The following TMEM259 variants were observed in gnomAD, a reference collection of about 807,000 sequenced individuals.
The protein encoded by TMEM259 is transmembrane protein 259.
TMEM259 carries 26 observed loss-of-function variants against 46.7 expected under a neutral mutation model. The ratio of observed to expected loss-of-function variants is 0.56; its 90% confidence interval spans 0.41 to 0.77. TMEM259 has a LOEUF of 0.77. Among genes scored for constraint, TMEM259 ranks in the 30% least tolerant of loss-of-function variants. The pLI is 0.00. For synonymous variants in TMEM259, 494 were observed against 395.1 expected, an observed-to-expected ratio of 1.25 and a Z score of -2.97; for missense variants, 930 against 900.5, an observed-to-expected ratio of 1.03 and a Z score of -0.42.
chr19:1,012,342 G>A (rs1192093443), intron 4 of TMEM259, 121 bp downstream of exon 4: 2 of 1,493,450 alleles, frequency 1.3e-6, no homozygotes, highest in Non-Finnish European at 1.8e-6. Flanking sequence ...AAGCGTGCCT[G>A]GGGCGGGGCA....
rs2039036165 is a variant in TMEM259, at chr19:1,014,308, T to C, written c.391A>G (p.Ser131Gly). The C allele has an allele frequency of 1.9e-6, 3 of 1,613,108 alleles. No homozygotes were observed. The highest frequency in any genetic ancestry group is 2.5e-6 in the Non-Finnish European group (3 of 1,179,904). ...RAPVFLQFCD[S>G]GGRGSFPGLA... ...CCCGGGAAGCTCCCGCGGCCGCCGC[T>C]GTCACAGAACTGTAGGAAGACGGGC... The change falls in exon 2 of 11, where the codon AGC becomes GGC. Residue 131 changes from serine to glycine, a missense_variant. Physicochemically the swap from Ser to Gly is moderately conservative, Grantham distance 56. Coordinates refer to ENST00000356663, the MANE Select transcript of TMEM259 (RefSeq NM_001033026.2).
At chr19:1,013,196 CTGAGGCAACCCCG>C in intron 3 of TMEM259, 32 bp downstream of exon 3, 1 of 1,568,260 alleles carries the variant, frequency 6.4e-7, no homozygotes, top group Non-Finnish European at 8.8e-7. Flanking sequence ...CACCCCATGA[CTGAGGCAACCCCG>C]TGAGGCAGTA....
rs11540362 is a variant in TMEM259 at position 1,010,674 on chromosome 19, G to T, written c.1539C>A (p.Pro513=). The change falls in exon 11 of 11, where the codon CCC becomes CCA. Residue 513 remains proline, a synonymous_variant. Transcript: ENST00000356663. The part of the protein sequence containing the change: ...GPVSPGASGS[P]GPVAAAPSSL... ...AGCTGGGCGCCGCTGCCACAGGCCC[G>T]GGACTCCCGCTGGCCCCAGGCGAGA... 2 of 1,534,358 alleles carry T rather than the reference G, an allele frequency of 1.3e-6. No individual in the cohort carries two copies. Among genetic ancestry groups the T allele is most frequent in the South Asian group, 2.4e-5 (2 of 83,968 alleles).
At position 1,009,871 on chromosome 19, in the gene TMEM259, C is replaced by T. The variant is rs11540364; in HGVS notation, c.*479G>A. The T allele has an allele frequency of 7.6e-6, 3 of 397,212 alleles. No homozygotes were observed. The highest frequency in any genetic ancestry group is 1.3e-5 in the Non-Finnish European group (3 of 223,990). The allele number at this position is 397,212 out of a possible 1,614,324, so 24.6% of individuals were successfully genotyped here. ...ATGCCCGAGGCGCAAGCTCTGCTCT[C>T]CCGGGGACCCCAAGCCTGGCGCACA... On this transcript the variant is annotated 3_prime_UTR_variant, in exon 11 of 11. Transcript: ENST00000356663.
In TMEM259 at chr19:1,012,006, A is replaced by C; in HGVS notation, c.842-14T>G. 6.2e-7 allele frequency: 1 copy of C among 1,611,628 alleles called. No individual in the cohort carries two copies. Among genetic ancestry groups the C allele is most frequent in the Non-Finnish European group, 8.5e-7 (1 of 1,179,354 alleles). The stretch of plus-strand genomic sequence containing the variant: ...TCCGCAGGAAGCCTGCAGCAGAAGG[A>C]GCCGTGAGCGCCCGCCCCCACCCGC... On this transcript the variant is annotated splice_polypyrimidine_tract_variant and intron_variant, in intron 5 of 10. Transcript: ENST00000356663.
chr19:1,016,983 C>A (rs996683821), intron 1 of TMEM259, among the ~76,000 whole-genome samples: 1 of 152,208 alleles, frequency 6.6e-6, no homozygotes, highest in African/African-American at 2.4e-5. Context: ...CCATCAGGTG[C>A]TCCGTGCTGA....
chr19:1,014,565 G>A (rs2039047203), intron 1 of TMEM259, 92 bp from the exon 2 acceptor site: 2 of 1,378,340 alleles, frequency 1.5e-6, no homozygotes, highest in African/African-American at 2.9e-5. Flanking sequence ...GGGGCGCGCT[G>A]GGACGCCCAG....
Position 1,011,213 on chromosome 19 carries a change from G to T in TMEM259, c.1218-18C>A, listed in dbSNP as rs1568399650. 1.3e-6 allele frequency: 2 copies of T among 1,572,188 alleles called. No homozygotes were observed. The highest frequency in any genetic ancestry group is 1.7e-6 in the Non-Finnish European group (2 of 1,159,278). On this transcript the variant is annotated intron_variant, in intron 9 of 10. Coordinates refer to ENST00000356663, the MANE Select transcript of TMEM259 (RefSeq NM_001033026.2). ...AGAAGAACCTGCGGGGCGGGGTGAGGGCGTCGGGGCTGCAGGTCCCACCCT... is the reference window on the plus strand; with the variant it reads ...AGAAGAACCTGCGGGGCGGGGTGAGTGCGTCGGGGCTGCAGGTCCCACCCT...
At chr19:1,012,038 G>C (rs777089729) in intron 5 of TMEM259, 28 bp downstream of exon 5, 7 of 1,611,464 alleles carry the variant, frequency 4.3e-6, no homozygotes, top group Non-Finnish European at 5.9e-6. Flanking sequence ...CCGCGCCCTC[G>C]CACCCTCGGC....
intron 4 of TMEM259, 88 bp downstream of exon 4, chr19:1,012,375 C>T (rs779104710): frequency 3.3e-6 from 5 of 1,510,858 alleles, no homozygotes; most frequent in African/African-American, 2.8e-5. Flanking sequence ...TCCTGCACAG[C>T]CCCCCGTCCC....
At chr19:1,015,528 G>A (rs1486100853) in intron 1 of TMEM259, among the ~76,000 whole-genome samples, 1 of 152,182 alleles carries the variant, frequency 6.6e-6, no homozygotes, top group Non-Finnish European at 1.5e-5. Flanking sequence ...GCTGCCCACT[G>A]TACCTCCCAA....
chr19:1,019,646 G>C (rs1247207091), intron 1 of TMEM259, among the ~76,000 whole-genome samples: 3 of 152,152 alleles, frequency 2.0e-5, no homozygotes, highest in African/African-American at 4.8e-5. Context: ...TCCACTTGCC[G>C]AGCCCAAAAA....
At chr19:1,014,814 A>T (rs1198467893) in intron 1 of TMEM259, among the ~76,000 whole-genome samples, 1 of 152,194 alleles carries the variant, frequency 6.6e-6, no homozygotes, top group South Asian at 2.1e-4. Context: ...GGACGAAGCC[A>T]GCAGGCCGGG....
In TMEM259 at chr19:1,011,540, G is replaced by A. The variant is rs760623078; in HGVS notation, c.1084+40C>T. On this transcript the variant is annotated intron_variant, in intron 8 of 10. Transcript: ENST00000356663. ...GCGCCGGTTGAAGCGGGCGGGGCGG[G>A]GTGCAGCGCGGGGCGGGGGAGGCCG... 21 of 1,541,170 alleles carry A rather than the reference G, an allele frequency of 1.4e-5. No individual in the cohort carries two copies. The East Asian group carries it at 5.2e-4, about 38-fold the overall frequency.
At position 1,021,007 on chromosome 19, in the gene TMEM259, G is replaced by A. The variant is rs758002586; in HGVS notation, c.-11C>T. On this transcript the variant is annotated 5_prime_UTR_variant, in exon 1 of 11. In the 5' UTR this introduces an upstream ATG that the reference lacks. Coordinates refer to ENST00000356663, the MANE Select transcript of TMEM259 (RefSeq NM_001033026.2). ...CACGTGCTCCGACATGCCTCCCAGC[G>A]TCGCGCCCTAACGACCCGCAAGTGT... 3 of 1,357,956 alleles carry A rather than the reference G, an allele frequency of 2.2e-6. No individual in the cohort carries two copies. The highest frequency in any genetic ancestry group is 1.7e-5 in the South Asian group (1 of 60,316). The allele number at this position is 1,357,956 out of a possible 1,614,324, so 84.1% of individuals were successfully genotyped here. A position where few individuals can be genotyped will look rare whatever the true frequency, so the allele number is the denominator to read the frequency against.
At chr19:1,017,490 C>T in intron 1 of TMEM259, 2 of 398,910 alleles carry the variant, frequency 5.0e-6, no homozygotes, top group Non-Finnish European at 8.8e-6. Flanking sequence ...TGTGGCTCAC[C>T]TCCAGGAGGC....
At chr19:1,015,922 G>A (rs748613049) in intron 1 of TMEM259, among the ~76,000 whole-genome samples, 22 of 152,216 alleles carry the variant, frequency 1.4e-4, no homozygotes, top group Non-Finnish European at 3.1e-4. Context: ...CCCGGCCGCA[G>A]TGCTGTGACC....
In TMEM259 at chr19:1,012,592, G is replaced by A; in HGVS notation, c.608-19C>T. The A allele has an allele frequency of 6.4e-7, 1 of 1,558,420 alleles. No individual in the cohort carries two copies. ...GGCCACACTGCAGGGCAGAACCAGG[G>A]ACCAGGTCAGCGCCCCCACACACGT... On this transcript the variant is annotated intron_variant, in intron 3 of 10. Transcript: ENST00000356663.
intron 3 of TMEM259, 138 bp downstream of exon 3, chr19:1,013,103 C>G (rs756611244): frequency 1.4e-6 from 1 of 721,268 alleles, no homozygotes; most frequent in East Asian, 2.7e-5. Context: ...ATGGGGAAAT[C>G]GAGGCACGGG....
Sources: gnomAD v4.1 joint callset for allele counts (sites outside exome capture counted in the v4.1 genomes callset) on GRCh38, gnomAD v4.1.1 for gene constraint, MANE v1.5 for transcripts, NCBI Gene and HGNC (gene_info 2026-07-23, HGNC 2026-07-21) for gene names.